The following TUBB1 variants were observed in gnomAD, a reference collection of about 807,000 sequenced individuals.
TUBB1 encodes tubulin beta 1 class VI, also known as tubulin beta-1 chain.
Under a neutral mutation model 22.6 loss-of-function variants are expected in TUBB1, and 28 were observed. The ratio of observed to expected loss-of-function variants is 1.24; its 90% CI spans 0.92 to 1.70. The LOEUF (loss-of-function observed/expected upper bound fraction) is 1.70. TUBB1 is among the 40% of genes most tolerant of loss of function. The pLI, the probability that TUBB1 is intolerant of heterozygous loss-of-function variation, is 0.00. For missense variants in TUBB1, 577 were observed against 605.5 expected (o/e 0.95, Z 0.49); for synonymous variants, 226 against 238.0 (o/e 0.95, Z 0.46).
rs2091978872 is a variant in TUBB1, at chr20:59,023,719, G to C, written c.292G>C (p.Gly98Arg). The C allele has an allele frequency of 6.2e-7, 1 of 1,614,066 alleles. No homozygotes were observed. The highest frequency in any genetic ancestry group is 1.7e-5 in the Admixed American group (1 of 60,000). Residue 98 changes from glycine to arginine, a missense_variant, in exon 4 of 4, where the codon GGC (glycine) becomes CGC (arginine). Gly to Arg is a moderately radical substitution (Grantham distance 125, BLOSUM62 -2). Transcript: ENST00000217133. Reference sequence around the variant, plus strand: ...TTTGGCCACAGGTAACTCTGGGGCTGGCAACAACTGGGCCAAAGGCCACTA... The same window carrying C: ...TTTGGCCACAGGTAACTCTGGGGCTCGCAACAACTGGGCCAAAGGCCACTA... ...DSFVHGNSGA[G>R]NNWAKGHYTE...
intron 1 of TUBB1, among the ~76,000 whole-genome samples, chr20:59,020,281 T>G (rs2091962014): frequency 6.6e-6 from 1 of 151,118 alleles, no homozygotes; most frequent in Non-Finnish European, 1.5e-5. Context: ...ACCTCCTGGG[T>G]TCAAGTGATT....
chr20:59,025,915 A>C lies in TUBB1; in HGVS notation c.*1132A>C, dbSNP rs1451175781. 1 of 152,270 alleles carries C rather than the reference A, an allele frequency of 6.6e-6. No individual in the cohort carries two copies. Among genetic ancestry groups the C allele is most frequent in the Non-Finnish European group, 1.5e-5 (1 of 68,052 alleles). 9.4% of individuals were successfully genotyped at this position (152,270 alleles called of 1,614,324 possible). On this transcript the variant is annotated 3_prime_UTR_variant, in exon 4 of 4. Coordinates refer to ENST00000217133, the MANE Select transcript of TUBB1 (RefSeq NM_030773.4). ...ACAAGAGCGTAATCAAATCATCTGT[A>C]ACTTCTTAATTACAGTTTACCTATT...
rs1288713824 is a variant in TUBB1, at chr20:59,024,548, T to C, written c.1121T>C (p.Ile374Thr). ...ACCTTCATTGGCAACAACACGGCCA[T>C]CCAAGAGATCTTTAATAGGGTCTCT... ...AATFIGNNTA[I>T]QEIFNRVSEH... Residue 374 changes from isoleucine to threonine, a missense_variant, in exon 4 of 4, where the codon ATC (isoleucine) becomes ACC (threonine). Transcript: ENST00000217133. The surrounding 1 kb of genome is among the most constrained non-coding windows in gnomAD (Gnocchi z 4.9). 6.2e-7 allele frequency: 1 copy of C among 1,614,160 alleles called. No individual in the cohort carries two copies. The highest frequency in any genetic ancestry group is 2.2e-5 in the East Asian group (1 of 44,888).
chr20:59,024,672 C>T lies in TUBB1; in HGVS notation c.1245C>T (p.Ile415=). Residue 415 remains isoleucine, a synonymous_variant, in exon 4 of 4, where the codon ATC becomes ATT. Transcript: ENST00000217133. The surrounding 1 kb of genome is among the most constrained non-coding windows in gnomAD (Gnocchi z 4.9). ...AATTTGGGGAAGCTGAAAATAACAT[C>T]CATGATTTGGTATCCGAGTACCAAC... is the stretch of plus-strand genomic sequence containing the variant. ...INEFGEAENN[I]HDLVSEYQQF... is the part of the protein sequence containing the mutation. 1 of 1,614,108 alleles carries T rather than the reference C, an allele frequency of 6.2e-7. No homozygotes were observed. Among genetic ancestry groups the T allele is most frequent in the South Asian group, 1.1e-5 (1 of 91,080 alleles).
Position 59,026,539 on chromosome 20 carries a change from T to C in TUBB1, c.*1756T>C. ...CTTTTAAAAAACTTTTGCTGACTTA[T>C]ATTACTGTAAAGATTTGTTTGCTCA... On this transcript the variant is annotated 3_prime_UTR_variant, in exon 4 of 4. Transcript: ENST00000217133. 6.6e-6 allele frequency: 1 copy of C among 152,250 alleles called. No homozygotes were observed. Among genetic ancestry groups the C allele is most frequent in the East Asian group, 1.9e-4 (1 of 5,202 alleles). 9.4% of individuals were successfully genotyped at this position (152,250 alleles called of 1,614,324 possible). A position where few individuals can be genotyped will look rare whatever the true frequency, so the allele number is the denominator to read the frequency against.
chr20:59,017,203 T>C (rs924301002), upstream of TUBB1, among the ~76,000 whole-genome samples: 14 of 152,184 alleles, frequency 9.2e-5, no homozygotes, highest in African/African-American at 3.4e-4. Context: ...GGAACACTGA[T>C]ACAATACTAT....
chr20:59,023,103 G>A (rs2091976105), intron 2 of TUBB1, 150 bp downstream of exon 2: 2 of 777,498 alleles, frequency 2.6e-6, no homozygotes, highest in African/African-American at 1.7e-5. Flanking sequence ...AGAGTGGTGG[G>A]TCCCCAAGCC....
rs2091984060 is a variant in TUBB1 at position 59,024,415 on chromosome 20, C to T, written c.988C>T (p.Leu330=). ...KMSTKEVDQQ[L]LSVQTRNSSC... ...GTCCACCAAGGAAGTGGACCAGCAA[C>T]TGCTCTCCGTGCAGACCAGGAACAG... Residue 330 remains leucine (L), a synonymous_variant, in exon 4 of 4, where the codon CTG becomes TTG. Transcript: ENST00000217133. The surrounding 1 kb of genome is among the most constrained non-coding windows in gnomAD (Gnocchi z 4.9). 2 of 1,614,256 alleles carry T rather than the reference C, an allele frequency of 1.2e-6. No individual in the cohort carries two copies. The highest frequency in any genetic ancestry group is 1.7e-6 in the Non-Finnish European group (2 of 1,180,040).
At chr20:59,022,494 A>G (rs1055468258) in intron 1 of TUBB1, among the ~76,000 whole-genome samples, 13 of 152,206 alleles carry the variant, frequency 8.5e-5, no homozygotes, top group Non-Finnish European at 1.5e-5. Context: ...ACTAGCTTGG[A>G]GCATTATAAG....
Position 59,022,943 on chromosome 20 carries a change from C to G in TUBB1, c.156C>G (p.Asn52Lys), listed in dbSNP as rs758371399. 2 of 1,613,770 alleles carry G rather than the reference C, an allele frequency of 1.2e-6. No individual in the cohort carries two copies. The highest frequency in any genetic ancestry group is 8.5e-7 in the Non-Finnish European group (1 of 1,179,892). Residue 52 changes from asparagine to lysine, a missense_variant, in exon 2 of 4, where the codon AAC becomes AAG. Physicochemically the swap from Asn to Lys is moderately conservative, Grantham distance 94. Coordinates refer to ENST00000217133, the MANE Select transcript of TUBB1 (RefSeq NM_030773.4). The stretch of plus-strand genomic sequence containing the variant: ...TGGAGAGAATCAGCGTGTACTACAA[C>G]GAAGCCTACGGTAGGACTGGCGGGG... ...LQLERISVYYNEAYGRKYVPR... is the reference protein window; with the variant it reads ...LQLERISVYYKEAYGRKYVPR...
upstream of TUBB1, chr20:59,019,360 T>C: frequency 1.3e-6 from 1 of 754,190 alleles, no homozygotes; most frequent in Non-Finnish European, 2.3e-6. Flanking sequence ...GCTGGGCCTC[T>C]GGGGTGGACA....
At chr20:59,018,765 AG>A (rs1343674648), upstream of TUBB1, among the ~76,000 whole-genome samples, 1 of 152,334 alleles carries the variant, frequency 6.6e-6, no homozygotes, top group East Asian at 1.9e-4. Context: ...GGTCTGGTAA[AG>A]GGACCCTATG....
At chr20:59,021,821 C>A (rs529867368) in intron 1 of TUBB1, among the ~76,000 whole-genome samples, 1 of 152,126 alleles carries the variant, frequency 6.6e-6, no homozygotes, top group African/African-American at 2.4e-5. Flanking sequence ...ATGGCAAAAC[C>A]CTGTCTCTAC....
chr20:59,020,464 G>A (rs1015735527), intron 1 of TUBB1, among the ~76,000 whole-genome samples: 5 of 152,248 alleles, frequency 3.3e-5, no homozygotes, highest in Non-Finnish European at 5.9e-5. Context: ...GATTATAGGC[G>A]TGAGCCACTG....
In TUBB1 at chr20:59,024,033, T is replaced by C. The variant is rs1452618887; in HGVS notation, c.606T>C (p.Ile202=). Residue 202 remains isoleucine (I), a synonymous_variant, in exon 4 of 4, where the codon ATT becomes ATC. Coordinates refer to ENST00000217133, the MANE Select transcript of TUBB1 (RefSeq NM_030773.4). The surrounding 1 kb of genome is among the most constrained non-coding windows in gnomAD (Gnocchi z 4.9). The stretch of plus-strand genomic sequence containing the variant: ...AGAATGCAGATGCCTGTTTCTGCAT[T>C]GACAATGAGGCCCTCTATGACATCT... ...LIENADACFC[I]DNEALYDICF... is the part of the protein sequence containing the mutation. 5.0e-6 allele frequency: 8 copies of C among 1,614,086 alleles called. No homozygotes were observed. The highest frequency in any genetic ancestry group is 5.9e-6 in the Non-Finnish European group (7 of 1,180,038).
Position 59,024,650 on chromosome 20 carries a change from T to C in TUBB1, c.1223T>C (p.Phe408Ser), listed in dbSNP as rs768365113. Residue 408 changes from phenylalanine to serine, a missense_variant, in exon 4 of 4, where the codon TTT (phenylalanine) becomes TCT (serine). Coordinates refer to ENST00000217133, the MANE Select transcript of TUBB1 (RefSeq NM_030773.4). This position sits in a 1 kb window ranked among gnomAD's most constrained non-coding sequence, Gnocchi z 4.9. Reference protein sequence around the residue: ...YTSEGMDINEFGEAENNIHDL... With the variant: ...YTSEGMDINESGEAENNIHDL... ...AGCGAAGGGATGGACATAAACGAAT[T>C]TGGGGAAGCTGAAAATAACATCCAT... 8 of 1,613,808 alleles carry C rather than the reference T, an allele frequency of 5.0e-6. No individual in the cohort carries two copies. In the South Asian group the frequency reaches 6.6e-5, roughly 13 times the overall value.
Position 59,019,505 on chromosome 20 carries a change from C to T in TUBB1, c.-18C>T, listed in dbSNP as rs1273855517. ...CTGAGGATTCCGTGAAGATCTCAGACTTGGGCTCAGAGCAAGGATGCGTGA... is the reference window on the plus strand; with the variant it reads ...CTGAGGATTCCGTGAAGATCTCAGATTTGGGCTCAGAGCAAGGATGCGTGA... On this transcript the variant is annotated 5_prime_UTR_variant, in exon 1 of 4. Coordinates refer to ENST00000217133, the MANE Select transcript of TUBB1 (RefSeq NM_030773.4). 2 of 1,613,972 alleles carry T rather than the reference C, an allele frequency of 1.2e-6. No homozygotes were observed. Among genetic ancestry groups the T allele is most frequent in the African/African-American group, 1.3e-5 (1 of 74,964 alleles).
Position 59,024,151 on chromosome 20 carries a change from T to C in TUBB1, c.724T>C (p.Phe242Leu). The C allele has an allele frequency of 1.2e-6, 2 of 1,614,176 alleles. No homozygotes were observed. The highest frequency in any genetic ancestry group is 1.7e-6 in the Non-Finnish European group (2 of 1,180,020). The change falls in exon 4 of 4, where the codon TTC becomes CTC. Residue 242 changes from phenylalanine (F) to leucine (L), a missense_variant. Physicochemically the swap from Phe to Leu is conservative, Grantham distance 22. Transcript: ENST00000217133. This position sits in a 1 kb window ranked among gnomAD's most constrained non-coding sequence, Gnocchi z 4.9. ...TMSGITTSLR[F>L]PGQLNADLRK... ...GAGCGGCATAACCACCTCCCTCCGG[T>C]TCCCGGGTCAGCTCAACGCAGACCT...
chr20:59,017,878 C>G (rs968669936), upstream of TUBB1, among the ~76,000 whole-genome samples: 4 of 152,226 alleles, frequency 2.6e-5, no homozygotes, highest in African/African-American at 9.6e-5. Flanking sequence ...ATTCCCTTGT[C>G]TGCAGCGCCC....
Sources: allele counts gnomAD v4.1 joint callset (sites outside exome capture counted in the v4.1 genomes callset), GRCh38; gene constraint gnomAD v4.1.1; non-coding constraint Gnocchi (gnomAD v3.1); transcripts MANE v1.5; gene names NCBI Gene and HGNC (gene_info 2026-07-23, HGNC 2026-07-21).